OSBP2: variants seen among roughly 807,000 people sequenced by gnomAD.
The protein encoded by OSBP2 is oxysterol-binding protein 2.
A neutral mutation model predicts 96.0 loss-of-function variants in OSBP2; 66 were observed. The observed-to-expected ratio is 0.69, with a 90% CI of 0.56 to 0.84. The LOEUF (loss-of-function observed/expected upper bound fraction) is 0.84, where lower values mean the gene tolerates loss of function less well. OSBP2 is among the 40% of genes least tolerant of loss of function. OSBP2 has a pLI of 0.00. For synonymous variants in OSBP2, 525 were observed against 520.9 expected, an observed-to-expected ratio of 1.01 and a Z score of -0.11; for missense variants, 1,038 against 1,222.7, an observed-to-expected ratio of 0.85 and a Z score of 2.25.
At chr22:30,857,367 G>A (rs185361949) in intron 2 of OSBP2, among the ~76,000 whole-genome samples, 55 of 152,346 alleles carry the variant, frequency 3.6e-4, no homozygotes, top group African/African-American at 1.3e-3. Flanking sequence ...GAGGGCACCT[G>A]TGTGAAGTTA....
At chr22:30,735,402 T>TTC (rs1425306300) in intron 1 of OSBP2, among the ~76,000 whole-genome samples, 27 of 147,964 alleles carry the variant, frequency 1.8e-4, no homozygotes, top group African/African-American at 6.1e-4. Flanking sequence ...TTTTCTTCTC[T>TTC]TCTCTCTCTT....
At chr22:30,799,758 C>T (rs2090823976) in intron 2 of OSBP2, among the ~76,000 whole-genome samples, 1 of 152,254 alleles carries the variant, frequency 6.6e-6, no homozygotes, top group South Asian at 2.1e-4. Context: ...AGCAGTCCAT[C>T]ACTGGCAGCT....
At position 30,695,446 on chromosome 22, in the gene OSBP2, A is replaced by T. The variant is rs1375014357; in HGVS notation, c.537A>T (p.Leu179Phe). The T allele has an allele frequency of 1.2e-6, 2 of 1,613,668 alleles. No individual in the cohort carries two copies. Among genetic ancestry groups the T allele is most frequent in the South Asian group, 2.2e-5 (2 of 91,084 alleles). ...TGTTSSAPLA[L>F]LPLDSFEGWL... ...CGACCTCCAGTGCCCCACTGGCCTT[A>T]CTGCCTCTGGACAGCTTCGAGGGCT... The change falls in exon 1 of 14, where the codon TTA (leucine) becomes TTT (phenylalanine). Residue 179 changes from leucine (L) to phenylalanine (F), a missense_variant. Leu to Phe is a conservative substitution (Grantham distance 22, BLOSUM62 0). Transcript: ENST00000332585.
chr22:30,808,005 G>T (rs930676195), intron 2 of OSBP2, among the ~76,000 whole-genome samples: 5 of 152,094 alleles, frequency 3.3e-5, no homozygotes, highest in Non-Finnish European at 7.4e-5. Flanking sequence ...GCCTAGGCTG[G>T]TCTGGAACTC....
upstream of OSBP2, chr22:30,694,417 G>C: frequency 7.0e-7 from 1 of 1,432,794 alleles, no homozygotes; most frequent in Non-Finnish European, 9.2e-7. Flanking sequence ...GCATTTCGTG[G>C]CCTCTGGGTG....
chr22:30,888,564 C>T (rs1193720441), intron 5 of OSBP2, among the ~76,000 whole-genome samples: 1 of 152,036 alleles, frequency 6.6e-6, no homozygotes, highest in Non-Finnish European at 1.5e-5. Context: ...CCTGTCTCTA[C>T]AAAAAATACA....
chr22:30,694,002 C>T (rs1381284889), upstream of OSBP2: 5 of 1,441,346 alleles, frequency 3.5e-6, no homozygotes, highest in Non-Finnish European at 4.7e-6. Context: ...AAAAAATTCG[C>T]TGATGTTTTA....
intron 3 of OSBP2, 62 bp from the exon 4 acceptor site, chr22:30,887,364 C>A: frequency 6.9e-7 from 1 of 1,443,986 alleles, no homozygotes; most frequent in South Asian, 1.2e-5. Context: ...GGTTCACATG[C>A]CTCTGACAGA....
At chr22:30,706,907 G>A (rs539164779) in intron 1 of OSBP2, among the ~76,000 whole-genome samples, 24 of 152,228 alleles carry the variant, frequency 1.6e-4, no homozygotes, top group African/African-American at 5.5e-4. Context: ...TGGAGGAACT[G>A]TCCTTCTTCT....
chr22:30,805,962 A>G (rs1373959933), intron 2 of OSBP2, among the ~76,000 whole-genome samples: 5 of 152,172 alleles, frequency 3.3e-5, no homozygotes, highest in Non-Finnish European at 7.3e-5. Flanking sequence ...CTGAAATTCT[A>G]TCTTTCTGAT....
intron 3 of OSBP2, among the ~76,000 whole-genome samples, chr22:30,884,821 C>T (rs536121890): frequency 3.9e-5 from 6 of 152,318 alleles, no homozygotes; most frequent in South Asian, 2.1e-4. Context: ...TCCCACCCCC[C>T]GGTAGGTGTC....
rs548958855 is a variant in OSBP2 at position 30,890,387 on chromosome 22, T to C, written c.1624-341T>C. On this transcript the variant is annotated intron_variant, in intron 7 of 13. Transcript: ENST00000332585. The surrounding 1 kb of genome is among the most constrained non-coding windows in gnomAD (Gnocchi z 4.4). Reference sequence around the variant, plus strand: ...CCCACAGACTCATGTGCCCATTCAGTCACTGCTTCCTAAGATTCTGCACTC... The same window carrying C: ...CCCACAGACTCATGTGCCCATTCAGCCACTGCTTCCTAAGATTCTGCACTC... Among the ~76,000 whole-genome samples the C allele has an allele frequency of 6.6e-6, 1 of 152,140 alleles. No homozygotes were observed. Among genetic ancestry groups the C allele is most frequent in the African/African-American group, 2.4e-5 (1 of 41,490 alleles).
intron 1 of OSBP2, 115 bp from the exon 2 acceptor site, chr22:30,741,046 G>C: frequency 1.2e-6 from 1 of 825,480 alleles, no homozygotes. Context: ...TTTGACTCCA[G>C]GGCCTCTCCC....
intron 2 of OSBP2, among the ~76,000 whole-genome samples, chr22:30,825,016 G>T (rs761483840): frequency 9.2e-5 from 14 of 152,308 alleles, no homozygotes; most frequent in Non-Finnish European, 2.1e-4. Context: ...CAAACAAGGG[G>T]AAGCGTGGAT....
At chr22:30,876,405 C>T (rs1211450704) in intron 3 of OSBP2, among the ~76,000 whole-genome samples, 2 of 152,352 alleles carry the variant, frequency 1.3e-5, no homozygotes, top group Admixed American at 6.5e-5. Context: ...GTGGTGGCCT[C>T]ACCGCCCCAC....
chr22:30,869,214 G>T (rs910641719), intron 2 of OSBP2, among the ~76,000 whole-genome samples: 1 of 152,194 alleles, frequency 6.6e-6, no homozygotes, highest in Non-Finnish European at 1.5e-5. Context: ...AAGAGGGGGC[G>T]TGGGAGCTGG....
At position 30,881,833 on chromosome 22, in the gene OSBP2, G is replaced by A. The variant is rs561851641; in HGVS notation, c.1108-5593G>A. 1.9e-5 allele frequency: 25 copies of A among 1,303,324 alleles called. No individual in the cohort carries two copies. Among genetic ancestry groups the A allele is most frequent in the African/African-American group, 1.4e-4 (9 of 65,952 alleles). 80.7% of individuals were successfully genotyped at this position (1,303,324 alleles called of 1,614,324 possible). ...TGCATCCGGGCTGGGGGAGGTGGAC[G>A]GGCTCTCTGCATCCATGGGGTGACC... On this transcript the variant is annotated intron_variant, in intron 3 of 13. Coordinates refer to ENST00000332585, the MANE Select transcript of OSBP2 (RefSeq NM_030758.4). The surrounding 1 kb of genome is among the most constrained non-coding windows in gnomAD (Gnocchi z 4.5).
In OSBP2 at chr22:30,732,165, G is replaced by A. The variant is rs147058618; in HGVS notation, c.645-8996G>A. Among the ~76,000 whole-genome samples the A allele has an allele frequency of 2.1e-3, 326 of 152,194 alleles. 2 individuals are homozygous for A. Among genetic ancestry groups the A allele is most frequent in the East Asian group, 0.011 (57 of 5,178 alleles). ...CTAAAAATACAAAAATTAGCTGGGC[G>A]TGGTGACGGGTGCCTATAGTCCCAG... On this transcript the variant is annotated intron_variant, in intron 1 of 13. Transcript: ENST00000332585.
rs1406159145 is a variant in OSBP2 at position 30,695,010 on chromosome 22, C to T, written c.101C>T (p.Thr34Met). The change falls in exon 1 of 14, where the codon ACG (threonine) becomes ATG (methionine). Residue 34 changes from threonine to methionine, a missense_variant. Around this residue, in one of 3 missense-constraint regions of OSBP2, gnomAD observed 281 missense variants for 273.4 expected, o/e 1.03. Transcript: ENST00000332585. ...FTVVPCLSCH[T>M]AAPGMSASTS... The stretch of plus-strand genomic sequence containing the variant: ...GTTGTCCCCTGCCTGTCGTGCCACA[C>T]GGCGGCGCCGGGCATGAGCGCTTCC... 3 of 1,577,642 alleles carry T rather than the reference C, an allele frequency of 1.9e-6. No homozygotes were observed. Among genetic ancestry groups the T allele is most frequent in the Non-Finnish European group, 2.6e-6 (3 of 1,165,108 alleles).
Sources: gnomAD v4.1 joint callset for allele counts (sites outside exome capture counted in the v4.1 genomes callset) on GRCh38, gnomAD v4.1.1 for gene constraint, gnomAD v4.1.1 regional missense constraint, Gnocchi (gnomAD v3.1) non-coding constraint, MANE v1.5 for transcripts, NCBI Gene and HGNC (gene_info 2026-07-23, HGNC 2026-07-21) for gene names.